GRID1: variants seen among roughly 807,000 people sequenced by gnomAD.
GRID1 encodes glutamate ionotropic receptor delta type subunit 1.
GRID1 carries 28 observed loss-of-function variants against 98.0 expected under a neutral mutation model. That is an observed-to-expected ratio of 0.29 (90% CI 0.21 to 0.39). GRID1 has a LOEUF of 0.39. Ranked by LOEUF, GRID1 falls within the 10% of genes least tolerant of loss-of-function variation. The probability of loss-of-function intolerance (pLI) is 1.00; values close to 1 mark genes in which losing one functional copy is unlikely to be tolerated. For missense variants in GRID1, 1,111 were observed against 1,340.5 expected, an observed-to-expected ratio of 0.83 and a Z score of 2.67; for synonymous variants, 553 against 538.5, an observed-to-expected ratio of 1.03 and a Z score of -0.37.
At chr10:86,091,602 G>A (rs986154549) in intron 4 of GRID1, among the ~76,000 whole-genome samples, 2 of 151,162 alleles carry the variant, frequency 1.3e-5, no homozygotes, top group African/African-American at 2.4e-5. Context: ...CTAGAGCCCC[G>A]CCTAGCACCG....
chr10:85,980,122 C>T (rs1477322057), intron 4 of GRID1, among the ~76,000 whole-genome samples: 2 of 152,240 alleles, frequency 1.3e-5, no homozygotes, highest in African/African-American at 4.8e-5. Context: ...CTTCCTCCTT[C>T]CCCACCTGGG....
intron 6 of GRID1, among the ~76,000 whole-genome samples, chr10:85,865,963 A>ATG (rs1564613333): frequency 0.042 from 271 of 6,416 alleles, 5 homozygotes; most frequent in African/African-American, 0.075. Context: ...ATGGAGAGAG[A>ATG]GAGAGAGAGA....
intron 3 of GRID1, among the ~76,000 whole-genome samples, chr10:86,141,186 G>A (rs1845006054): frequency 6.6e-6 from 1 of 152,086 alleles, no homozygotes; most frequent in African/African-American, 2.4e-5. Flanking sequence ...GGACAATATG[G>A]TGCCTTACAC....
chr10:86,169,810 T>G (rs76083665), intron 3 of GRID1, among the ~76,000 whole-genome samples: 8,812 of 152,212 alleles, frequency 0.058, 328 homozygotes, highest in East Asian at 0.13. Flanking sequence ...CCCAAAGATG[T>G]CCCATCCTGG....
intron 4 of GRID1, among the ~76,000 whole-genome samples, chr10:86,083,358 G>A (rs1844004645): frequency 6.6e-6 from 1 of 152,176 alleles, no homozygotes; most frequent in African/African-American, 2.4e-5. Context: ...TCTAAGCCCA[G>A]CGTGGTGTCG....
At chr10:85,644,047 C>T (rs1843156571) in intron 13 of GRID1, 1 of 152,108 alleles carries the variant, frequency 6.6e-6, no homozygotes, top group African/African-American at 2.4e-5. Context: ...TATCACCAAC[C>T]AGAGGGCTCA....
intron 4 of GRID1, among the ~76,000 whole-genome samples, chr10:86,034,063 C>T (rs1780107338): frequency 1.3e-5 from 2 of 152,188 alleles, no homozygotes; most frequent in African/African-American, 2.4e-5. Context: ...TTTAAGTAAA[C>T]TTACCCTTCA....
chr10:85,627,975 C>T (rs1047013735), intron 13 of GRID1, among the ~76,000 whole-genome samples: 4 of 152,084 alleles, frequency 2.6e-5, no homozygotes, highest in African/African-American at 7.2e-5. Flanking sequence ...TGTGAGTAAG[C>T]AGTGTGTGTG....
intron 2 of GRID1, among the ~76,000 whole-genome samples, chr10:86,241,015 G>T (rs968667751): frequency 6.6e-6 from 1 of 152,188 alleles, no homozygotes; most frequent in Non-Finnish European, 1.5e-5. Context: ...CTTTACCCAA[G>T]CACACAAGGA....
intron 8 of GRID1, among the ~76,000 whole-genome samples, chr10:85,812,760 C>T (rs550477668): frequency 6.6e-6 from 1 of 151,588 alleles, no homozygotes; most frequent in Admixed American, 6.6e-5. Flanking sequence ...CTCCCTCCCC[C>T]CAATCTCTCT....
chr10:85,696,041 C>G (rs1372151781), intron 12 of GRID1, among the ~76,000 whole-genome samples: 2 of 152,006 alleles, frequency 1.3e-5, no homozygotes, highest in African/African-American at 4.8e-5. Context: ...CCCAGTGTTC[C>G]TAATTCTTTA....
At chr10:86,117,292 C>T (rs1430099357) in intron 4 of GRID1, among the ~76,000 whole-genome samples, 2 of 151,458 alleles carry the variant, frequency 1.3e-5, no homozygotes, top group African/African-American at 2.4e-5. Flanking sequence ...ACCATCACCA[C>T]CATCACCACC....
intron 12 of GRID1, among the ~76,000 whole-genome samples, chr10:85,704,887 G>T (rs112825648): frequency 2.0e-5 from 3 of 152,034 alleles, no homozygotes; most frequent in South Asian, 4.1e-4. Flanking sequence ...CATAACGAAA[G>T]GAAGGCAGAA....
chr10:86,100,256 A>G (rs2131944385), intron 4 of GRID1, among the ~76,000 whole-genome samples: 1 of 152,336 alleles, frequency 6.6e-6, no homozygotes, highest in East Asian at 1.9e-4. Flanking sequence ...GCTGTAGAAT[A>G]TAAGAGCCTC....
chr10:86,273,196 AATG>A (rs1352379103), intron 2 of GRID1, among the ~76,000 whole-genome samples: 4 of 151,566 alleles, frequency 2.6e-5, no homozygotes, highest in Non-Finnish European at 5.9e-5. Flanking sequence ...GTTTACTGAG[AATG>A]ATGATTTCCA....
rs545102835 is a variant in GRID1, at chr10:85,799,392, G to A, written c.1233+55104C>T. Among the ~76,000 whole-genome samples, 533 of 152,094 alleles carry A rather than the reference G, an allele frequency of 3.5e-3. 4 individuals are homozygous for A. Among genetic ancestry groups the A allele is most frequent in the Non-Finnish European group, 6.0e-3 (406 of 67,938 alleles). On this transcript the variant is annotated intron_variant, in intron 8 of 15. Coordinates refer to ENST00000327946, the MANE Select transcript of GRID1 (RefSeq NM_017551.3). ...ATATATGAAAAATGATTATGTTGAA[G>A]GAATATCTGCACTCCTATGTTTATC...
intron 4 of GRID1, among the ~76,000 whole-genome samples, chr10:85,947,062 G>T (rs947404313): frequency 1.1e-4 from 17 of 152,138 alleles, no homozygotes; most frequent in African/African-American, 4.1e-4. Context: ...CTGTCCACCC[G>T]CACCATTATT....
chr10:85,725,162 A>G (rs936556937), intron 10 of GRID1, among the ~76,000 whole-genome samples: 4 of 152,154 alleles, frequency 2.6e-5, no homozygotes, highest in African/African-American at 9.7e-5. Context: ...TCTCTTTTCT[A>G]AAACACTTCA....
In GRID1 at chr10:86,213,246, A is replaced by G. The variant is rs1013888250; in HGVS notation, c.236-6598T>C. 2.0e-5 allele frequency among the ~76,000 whole-genome samples: 3 copies of G among 151,826 alleles called. No homozygotes were observed. In the East Asian group the frequency reaches 5.8e-4, roughly 29 times the overall value. On this transcript the variant is annotated intron_variant, in intron 2 of 15. Transcript: ENST00000327946. The stretch of plus-strand genomic sequence containing the variant: ...GATCAACCTGCCCACGCTCCTCCAC[A>G]CTGCCGGCAAGCAGTGCAGGGCCAC...
Sources: allele counts gnomAD v4.1 joint callset (sites outside exome capture counted in the v4.1 genomes callset), GRCh38; gene constraint gnomAD v4.1.1; transcripts MANE v1.5; gene names NCBI Gene and HGNC (gene_info 2026-07-23, HGNC 2026-07-21).